NLRC5: variants seen among roughly 807,000 people sequenced by gnomAD.
NLRC5 encodes the protein NLR family CARD domain containing 5.
NLRC5 carries 114 observed loss-of-function variants against 206.9 expected under a neutral mutation model. The observed-to-expected ratio is 0.55, with a 90% CI of 0.47 to 0.64. The LOEUF (loss-of-function observed/expected upper bound fraction) is 0.64. Among genes scored for constraint, NLRC5 ranks in the 30% least tolerant of loss-of-function variants. The pLI, the probability that NLRC5 is intolerant of heterozygous loss-of-function variation, is 0.00. For missense variants in NLRC5, 2,008 were observed against 2,305.5 expected (o/e 0.87, Z 2.64); for synonymous variants, 952 against 962.8 (o/e 0.99, Z 0.21).
At chr16:57,012,601 G>C (rs183995582) in intron 1 of NLRC5, among the ~76,000 whole-genome samples, 1 of 152,136 alleles carries the variant, frequency 6.6e-6, no homozygotes, top group Non-Finnish European at 1.5e-5. Flanking sequence ...TGTGAAATGC[G>C]CATGTGAGGG....
intron 48 of NLRC5, 56 bp downstream of exon 48, chr16:57,081,666 G>A (rs2069165625): frequency 6.9e-7 from 1 of 1,449,234 alleles, no homozygotes; most frequent in Admixed American, 1.7e-5. Flanking sequence ...CCAACCCCCA[G>A]ATCTAATGGG....
rs770994821 is a variant in NLRC5, at chr16:57,078,029, C to A, written c.5081+9C>A. The A allele has an allele frequency of 1.9e-6, 3 of 1,581,762 alleles. No homozygotes were observed. Among genetic ancestry groups the A allele is most frequent in the Non-Finnish European group, 1.7e-6 (2 of 1,158,960 alleles). On this transcript the variant is annotated intron_variant, in intron 43 of 48. Transcript: ENST00000688547. ...CACCTGAGGGTCCTACAGTGAGTGG[C>A]CCCCTGCCCATACCATGCAGGGCTG... is the stretch of plus-strand genomic sequence containing the variant.
At chr16:57,032,274 C>G (rs1335330937) in intron 11 of NLRC5, among the ~76,000 whole-genome samples, 1 of 151,796 alleles carries the variant, frequency 6.6e-6, no homozygotes, top group Non-Finnish European at 1.5e-5. Flanking sequence ...GTGGTGCACA[C>G]CTGTAGTCCC....
intron 1 of NLRC5, among the ~76,000 whole-genome samples, chr16:57,003,134 A>G (rs1253275093): frequency 2.0e-5 from 3 of 152,104 alleles, no homozygotes; most frequent in East Asian, 1.9e-4. Flanking sequence ...ATCTCAGCTC[A>G]CTGCCGCCTC....
Position 57,079,579 on chromosome 16 carries a change from C to G in NLRC5, c.5271C>G (p.Ala1757=). 1 of 1,614,104 alleles carries G rather than the reference C, an allele frequency of 6.2e-7. No individual in the cohort carries two copies. The highest frequency in any genetic ancestry group is 8.5e-7 in the Non-Finnish European group (1 of 1,179,992). Residue 1757 remains alanine, a synonymous_variant, in exon 46 of 49, where the codon GCC becomes GCG. Coordinates refer to ENST00000688547, the MANE Select transcript of NLRC5 (RefSeq NM_001384950.1). ...LVSCKIDNQT[A]KLLTSSFTSC... ...CCTGTAAGATTGACAACCAGACTGC[C>G]AAGCTCCTCACCTCCAGCTTCACGA...
chr16:57,075,005 C>CTTTTTTTTTTTTTTTTGTTT (rs2068198117), intron 39 of NLRC5, among the ~76,000 whole-genome samples: 1 of 58,066 alleles, frequency 1.7e-5, no homozygotes, highest in Non-Finnish European at 3.2e-5. Flanking sequence ...CTAGACTGTG[C>CTTTTTTTTTTTTTTTTGTTT]TTTTTTTTTT....
chr16:57,021,251 A>G (rs1486784745), intron 3 of NLRC5: 2 of 466,288 alleles, frequency 4.3e-6, no homozygotes, highest in African/African-American at 3.9e-5. Context: ...GACTGCTTCC[A>G]GCCACAAAAT....
intron 1 of NLRC5, among the ~76,000 whole-genome samples, chr16:57,002,691 G>T (rs1218688922): frequency 7.2e-6 from 1 of 138,042 alleles, no homozygotes; most frequent in Non-Finnish European, 1.5e-5. Context: ...TCTCAAGGCT[G>T]GAGTGCAGTG....
At chr16:56,994,638 G>T (rs1418901652) in intron 1 of NLRC5, among the ~76,000 whole-genome samples, 1 of 152,212 alleles carries the variant, frequency 6.6e-6, no homozygotes, top group African/African-American at 2.4e-5. Flanking sequence ...TTGTAGGGAT[G>T]TTGGGACATT....
At chr16:57,079,675 C>T (rs757276760) in intron 46 of NLRC5, 46 bp downstream of exon 46, 6 of 1,547,342 alleles carry the variant, frequency 3.9e-6, no homozygotes, top group African/African-American at 1.4e-5. Context: ...AAGGAAAAGT[C>T]GGGAGGGGTC....
intron 38 of NLRC5, among the ~76,000 whole-genome samples, chr16:57,072,471 G>A (rs2067898701): frequency 6.6e-6 from 1 of 151,976 alleles, no homozygotes; most frequent in South Asian, 2.1e-4. Flanking sequence ...AGAAACTCTG[G>A]GCAGAAAAAA....
At chr16:57,051,502 GT>G in intron 23 of NLRC5, 35 bp from the exon 24 acceptor site, 1 of 1,540,292 alleles carries the variant, frequency 6.5e-7, no homozygotes, top group Non-Finnish European at 9.0e-7. Context: ...TTCCTGGAAG[GT>G]TTCCCCCACC....
At chr16:57,021,274 A>C (rs1490448914) in intron 3 of NLRC5, among the ~76,000 whole-genome samples, 2 of 150,396 alleles carry the variant, frequency 1.3e-5, no homozygotes, top group Non-Finnish European at 2.9e-5. Context: ...CACATAGCCC[A>C]TAATGCCCGA....
intron 37 of NLRC5, 145 bp downstream of exon 37, chr16:57,070,064 G>C: frequency 1.5e-6 from 1 of 682,572 alleles, no homozygotes; most frequent in Non-Finnish European, 2.5e-6. Flanking sequence ...TCTGGGTGTG[G>C]CCTGGGGAAG....
intron 23 of NLRC5, among the ~76,000 whole-genome samples, chr16:57,050,055 C>A (rs1282536281): frequency 6.7e-6 from 1 of 150,224 alleles, no homozygotes; most frequent in African/African-American, 2.5e-5. Context: ...TGCCTGTGTA[C>A]ACATGGGCAT....
chr16:56,999,731 T>C (rs2058038516), intron 1 of NLRC5, among the ~76,000 whole-genome samples: 1 of 152,204 alleles, frequency 6.6e-6, no homozygotes, highest in Non-Finnish European at 1.5e-5. Context: ...ATCCTCAAGG[T>C]CTCCATCTAA....
chr16:57,037,611 C>T (rs1304212915), intron 15 of NLRC5, among the ~76,000 whole-genome samples: 2 of 152,168 alleles, frequency 1.3e-5, no homozygotes, highest in Non-Finnish European at 2.9e-5. Flanking sequence ...TGGGACAAAG[C>T]TCCCTGGGAG....
At chr16:57,069,021 T>C (rs1445455931) in intron 36 of NLRC5, among the ~76,000 whole-genome samples, 1 of 152,264 alleles carries the variant, frequency 6.6e-6, no homozygotes, top group African/African-American at 2.4e-5. Flanking sequence ...GGGCACATGA[T>C]GTGTCAGAGT....
intron 1 of NLRC5, among the ~76,000 whole-genome samples, chr16:57,007,538 C>T (rs1338961042): frequency 6.6e-6 from 1 of 151,124 alleles, no homozygotes; most frequent in Admixed American, 6.6e-5. Flanking sequence ...GCCTGGTCAA[C>T]ATGGTGAAAC....
Sources: gnomAD v4.1 joint callset for allele counts (sites outside exome capture counted in the v4.1 genomes callset) on GRCh38, gnomAD v4.1.1 for gene constraint, MANE v1.5 for transcripts, NCBI Gene and HGNC (gene_info 2026-07-23, HGNC 2026-07-21) for gene names.